The following DPYSL3 variants were observed in gnomAD, a reference collection of about 807,000 sequenced individuals.
DPYSL3 encodes the protein dihydropyrimidinase like 3.
In DPYSL3, 16 loss-of-function variants were observed where a neutral mutation model predicts 66.1. The ratio of observed to expected loss-of-function variants is 0.24; its 90% confidence interval spans 0.16 to 0.37. The LOEUF (loss-of-function observed/expected upper bound fraction) is 0.37, where lower values mean the gene tolerates loss of function less well. Ranked by LOEUF, DPYSL3 falls within the 10% of genes least tolerant of loss-of-function variation. DPYSL3 has a pLI of 1.00. For missense variants in DPYSL3, 738 were observed against 916.2 expected (o/e 0.81, Z 2.51); for synonymous variants, 338 against 345.1 (o/e 0.98, Z 0.23).
chr5:147,463,856 T>A (rs1752970392), intron 1 of DPYSL3, among the ~76,000 whole-genome samples: 1 of 152,156 alleles, frequency 6.6e-6, no homozygotes, highest in South Asian at 2.1e-4. Flanking sequence ...GCCCCTTTCA[T>A]ACTAGAAGGC....
intron 1 of DPYSL3, among the ~76,000 whole-genome samples, chr5:147,500,415 A>T (rs1326991643): frequency 6.6e-6 from 1 of 152,106 alleles, no homozygotes; most frequent in East Asian, 1.9e-4. Flanking sequence ...GGAGTTTGAG[A>T]CCAGCCTAGC....
chr5:147,426,802 T>C (rs17106725), intron 1 of DPYSL3, among the ~76,000 whole-genome samples: 12,945 of 152,224 alleles, frequency 0.085, 1,487 homozygotes, highest in African/African-American at 0.26. Context: ...CCTAGCTTCC[T>C]CTGCTCTTCT....
In DPYSL3 at chr5:147,509,884, G is replaced by A; in HGVS notation, c.-26C>T. On this transcript the variant is annotated 5_prime_UTR_variant, in exon 1 of 14. Transcript: ENST00000343218. This position sits in a 1 kb window ranked among gnomAD's most constrained non-coding sequence, Gnocchi z 5.3. The stretch of plus-strand genomic sequence containing the variant: ...GGTTCAAGCACGAAAGCGGCCCGCG[G>A]GTTTTTCTTCCCCAGAGGCGGAAAG... The A allele has an allele frequency of 6.7e-7, 1 of 1,488,292 alleles. No individual in the cohort carries two copies. Among genetic ancestry groups the A allele is most frequent in the Non-Finnish European group, 8.9e-7 (1 of 1,118,724 alleles). The allele number at this position is 1,488,292 out of a possible 1,614,324, so 92.2% of individuals were successfully genotyped here.
intron 1 of DPYSL3, among the ~76,000 whole-genome samples, chr5:147,506,349 A>G (rs1039908486): frequency 2.0e-5 from 3 of 152,094 alleles, no homozygotes; most frequent in Non-Finnish European, 4.4e-5. Flanking sequence ...TTACGTGAAA[A>G]AAGTTTCTGA....
At chr5:147,502,460 A>G (rs1421059034) in intron 1 of DPYSL3, among the ~76,000 whole-genome samples, 3 of 152,014 alleles carry the variant, frequency 2.0e-5, no homozygotes, top group Non-Finnish European at 4.4e-5. Flanking sequence ...TCTCCAGAAG[A>G]TGATGAGGAA....
intron 9 of DPYSL3, 126 bp downstream of exon 9, chr5:147,401,414 C>T (rs1758173508): frequency 3.5e-6 from 4 of 1,128,094 alleles, no homozygotes; most frequent in Middle Eastern, 5.5e-4. Context: ...AAAGAATTCC[C>T]AATACACTGT....
At chr5:147,406,625 T>C (rs1156751486) in intron 7 of DPYSL3, among the ~76,000 whole-genome samples, 1 of 152,202 alleles carries the variant, frequency 6.6e-6, no homozygotes, top group Non-Finnish European at 1.5e-5. Context: ...CTGATATTAT[T>C]GTTGATAATA....
At chr5:147,494,524 T>C (rs1271503899) in intron 1 of DPYSL3, among the ~76,000 whole-genome samples, 1 of 151,316 alleles carries the variant, frequency 6.6e-6, no homozygotes, top group African/African-American at 2.4e-5. Flanking sequence ...ATTACTAATA[T>C]CAGAAATGAA....
chr5:147,422,328 G>A (rs1415694151), intron 2 of DPYSL3, among the ~76,000 whole-genome samples: 1 of 152,122 alleles, frequency 6.6e-6, no homozygotes, highest in Admixed American at 6.6e-5. Context: ...TTAGAATGGC[G>A]ATCATTAAGA....
chr5:147,438,333 G>A (rs1752451335), intron 1 of DPYSL3, among the ~76,000 whole-genome samples: 1 of 152,166 alleles, frequency 6.6e-6, no homozygotes, highest in Admixed American at 6.5e-5. Context: ...AAGAGGTCAG[G>A]CAGACCTTGA....
At chr5:147,427,556 T>C (rs557789937) in intron 1 of DPYSL3, among the ~76,000 whole-genome samples, 1 of 152,342 alleles carries the variant, frequency 6.6e-6, no homozygotes, top group African/African-American at 2.4e-5. Flanking sequence ...CAAAATTATA[T>C]GAGGCAGTCC....
intron 1 of DPYSL3, among the ~76,000 whole-genome samples, chr5:147,429,829 A>G (rs1358880505): frequency 6.6e-6 from 1 of 152,154 alleles, no homozygotes; most frequent in Non-Finnish European, 1.5e-5. Flanking sequence ...CAGTGTCCAA[A>G]CTGCGTCCAG....
intron 4 of DPYSL3, 138 bp downstream of exon 4, chr5:147,415,571 T>C (rs1751947315): frequency 9.9e-7 from 1 of 1,011,426 alleles, no homozygotes; most frequent in Non-Finnish European, 1.5e-6. Flanking sequence ...TGGAACATTG[T>C]GTTATCCCTA....
intron 1 of DPYSL3, among the ~76,000 whole-genome samples, chr5:147,498,194 T>A (rs1204649740): frequency 6.6e-6 from 1 of 152,152 alleles, no homozygotes; most frequent in Admixed American, 6.6e-5. Context: ...GGTATTTCAT[T>A]TTCTATTCCC....
chr5:147,392,413 G>A lies in DPYSL3; in HGVS notation c.*1622C>T, dbSNP rs143682341. The A allele has an allele frequency of 6.6e-6, 1 of 152,334 alleles. No homozygotes were observed. Among genetic ancestry groups the A allele is most frequent in the East Asian group, 1.9e-4 (1 of 5,178 alleles). The allele number at this position is 152,334 out of a possible 1,614,324, so 9.4% of individuals were successfully genotyped here. Reference sequence around the variant, plus strand: ...CAACTTATTCAAACCTGCAGTCAGAGACAATGGTTTCTCCTAAGCAATTAA... The same window carrying A: ...CAACTTATTCAAACCTGCAGTCAGAAACAATGGTTTCTCCTAAGCAATTAA... On this transcript the variant is annotated 3_prime_UTR_variant, in exon 14 of 14. Coordinates refer to ENST00000343218, the MANE Select transcript of DPYSL3 (RefSeq NM_001197294.2).
At chr5:147,420,633 ATAGT>A (rs1287497157) in intron 2 of DPYSL3, among the ~76,000 whole-genome samples, 1 of 152,222 alleles carries the variant, frequency 6.6e-6, no homozygotes, top group African/African-American at 2.4e-5. Flanking sequence ...CAACTATGTG[ATAGT>A]TAGAGGAGGT....
At chr5:147,433,403 T>A (rs73794725) in intron 1 of DPYSL3, among the ~76,000 whole-genome samples, 7,552 of 152,110 alleles carry the variant, frequency 0.05, 619 homozygotes, top group African/African-American at 0.17. Flanking sequence ...TGAAGACATA[T>A]GGCAAATCTT....
chr5:147,393,326 G>T lies in DPYSL3; in HGVS notation c.*709C>A, dbSNP rs1157498846. ...AGGATTTGAAAGCAACACTAAGAAA[G>T]AGGCCTGAGCAAACACTGGCACAAT... On this transcript the variant is annotated 3_prime_UTR_variant, in exon 14 of 14. Transcript: ENST00000343218. The T allele has an allele frequency of 6.6e-6, 1 of 152,286 alleles. No homozygotes were observed. The highest frequency in any genetic ancestry group is 1.5e-5 in the Non-Finnish European group (1 of 68,130). 9.4% of individuals were successfully genotyped at this position (152,286 alleles called of 1,614,324 possible).
chr5:147,462,927 GA>G (rs1290706174), intron 1 of DPYSL3, among the ~76,000 whole-genome samples: 4 of 152,138 alleles, frequency 2.6e-5, no homozygotes, highest in African/African-American at 9.7e-5. Context: ...CCCTGGTAAA[GA>G]CAGAAGCCCT....
Sources: gnomAD v4.1 joint callset for allele counts (sites outside exome capture counted in the v4.1 genomes callset) on GRCh38, gnomAD v4.1.1 for gene constraint, Gnocchi (gnomAD v3.1) non-coding constraint, MANE v1.5 for transcripts, NCBI Gene and HGNC (gene_info 2026-07-23, HGNC 2026-07-21) for gene names.